NKAIN4: variants seen among roughly 807,000 people sequenced by gnomAD.
The protein encoded by NKAIN4 is sodium/potassium transporting ATPase interacting 4, also known as sodium/potassium-transporting ATPase subunit beta-1-interacting protein 4.
A neutral mutation model predicts 28.8 loss-of-function variants in NKAIN4; 28 were observed. The ratio of observed to expected loss-of-function variants is 0.97; its 90% CI spans 0.72 to 1.33. The LOEUF (loss-of-function observed/expected upper bound fraction) is 1.33. Among genes scored for constraint, NKAIN4 ranks in the 40% most tolerant of loss-of-function variants. NKAIN4 has a pLI of 0.00. For synonymous variants in NKAIN4, 122 were observed against 115.6 expected (o/e 1.06, Z -0.36); for missense variants, 289 against 277.2 (o/e 1.04, Z -0.30).
chr20:63,245,535 G>A lies in NKAIN4; in HGVS notation c.472-1451C>T, dbSNP rs2066840695. Reference sequence around the variant, plus strand: ...CCTCCTGCCCATCCTCCTGGCTCCAGCCCCAGGTCCACCCCAAAGCTCTCC... The same window carrying A: ...CCTCCTGCCCATCCTCCTGGCTCCAACCCCAGGTCCACCCCAAAGCTCTCC... On this transcript the variant is annotated intron_variant, in intron 4 of 6. Transcript: ENST00000370316. The surrounding 1 kb of genome is among the most constrained non-coding windows in gnomAD (Gnocchi z 4.7). 6.6e-6 allele frequency among the ~76,000 whole-genome samples: 1 copy of A among 151,926 alleles called. No homozygotes were observed. The highest frequency in any genetic ancestry group is 2.1e-4 in the South Asian group (1 of 4,806).
chr20:63,241,149 C>T lies in NKAIN4; in HGVS notation c.*348G>A, dbSNP rs1464443640. ...AGGGTCCAGCAGCCCCAGGTGGGCA[C>T]CTGAGGGAGGGGCTCCTCGACGAGA... On this transcript the variant is annotated 3_prime_UTR_variant, in exon 7 of 7. Transcript: ENST00000370316. 2 of 317,198 alleles carry T rather than the reference C, an allele frequency of 6.3e-6. No individual in the cohort carries two copies. The highest frequency in any genetic ancestry group is 8.7e-5 in the East Asian group (1 of 11,480). 19.6% of individuals were successfully genotyped at this position (317,198 alleles called of 1,614,324 possible).
chr20:63,247,220 G>C, intron 4 of NKAIN4: 1 of 1,196,276 alleles, frequency 8.4e-7, no homozygotes, highest in South Asian at 1.8e-5. Context: ...ACGCATGGAT[G>C]GGTTTGTCAG....
chr20:63,246,039 T>C (rs548464710), intron 4 of NKAIN4, among the ~76,000 whole-genome samples: 43 of 152,158 alleles, frequency 2.8e-4, no homozygotes, highest in Non-Finnish European at 5.0e-4. Context: ...GCCATTCTCC[T>C]GCTTCAGCCT....
intron 2 of NKAIN4, chr20:63,249,164 A>G (rs1425088635): frequency 8.5e-6 from 4 of 470,272 alleles, no homozygotes; most frequent in South Asian, 2.1e-5. Context: ...CGGCGTACGG[A>G]CACAGCATCC....
At chr20:63,254,359 G>C (rs921359503) in intron 1 of NKAIN4, 38 bp downstream of exon 1, 3 of 1,406,598 alleles carry the variant, frequency 2.1e-6, no homozygotes, top group African/African-American at 1.5e-5. Flanking sequence ...GTCGGGCACC[G>C]GGGGCTCCAG....
At chr20:63,246,969 G>C in intron 4 of NKAIN4, 1 of 992,910 alleles carries the variant, frequency 1.0e-6, no homozygotes, top group South Asian at 4.5e-5. Flanking sequence ...CTACCAACCC[G>C]TGCAGGGCCG....
intron 1 of NKAIN4, chr20:63,253,193 C>T: frequency 1.0e-6 from 1 of 985,228 alleles, no homozygotes; most frequent in Non-Finnish European, 1.2e-6. Context: ...TCCTAAGGGA[C>T]TCCTGCCATT....
At chr20:63,247,349 G>T in intron 4 of NKAIN4, 1 of 1,499,298 alleles carries the variant, frequency 6.7e-7, no homozygotes, top group African/African-American at 1.4e-5. Flanking sequence ...AAAGCGCCTG[G>T]GTTGGCCCCG....
At chr20:63,244,683 G>A (rs543446905) in intron 4 of NKAIN4, 11 of 389,406 alleles carry the variant, frequency 2.8e-5, no homozygotes, top group African/African-American at 2.3e-4. Context: ...TGGGAGTCCA[G>A]GGCAGAGGGC....
intron 1 of NKAIN4, chr20:63,254,171 C>A: frequency 2.3e-6 from 1 of 433,380 alleles, no homozygotes; most frequent in South Asian, 4.0e-5. Flanking sequence ...CGCGGCCGCC[C>A]CCCGCGCACG....
chr20:63,243,896 G>C (rs1167877371), intron 5 of NKAIN4, 128 bp downstream of exon 5: 4 of 729,190 alleles, frequency 5.5e-6, no homozygotes, highest in Non-Finnish European at 9.4e-6. Context: ...CCGTGAGCAA[G>C]GCCCTGCTGG....
intron 5 of NKAIN4, among the ~76,000 whole-genome samples, chr20:63,243,453 C>G (rs1317239468): frequency 2.0e-5 from 3 of 152,126 alleles, no homozygotes; most frequent in Non-Finnish European, 4.4e-5. Context: ...CCCTGCTTGG[C>G]GTCTGCCCTT....
At chr20:63,253,466 G>A in intron 1 of NKAIN4, 1 of 985,606 alleles carries the variant, frequency 1.0e-6, no homozygotes, top group African/African-American at 1.7e-5. Context: ...TCAAAACTCT[G>A]AAACAGCCCC....
chr20:63,248,931 C>A, intron 2 of NKAIN4, 36 bp from the exon 3 acceptor site: 1 of 1,445,784 alleles, frequency 6.9e-7, no homozygotes, highest in Non-Finnish European at 9.7e-7. Context: ...CAGCTGAACA[C>A]AGCTCCCGGG....
intron 6 of NKAIN4, 43 bp from the exon 7 acceptor site, chr20:63,241,549 G>C (rs754021685): frequency 1.4e-5 from 22 of 1,542,146 alleles, no homozygotes; most frequent in South Asian, 6.0e-5. Context: ...AACAGGGCTG[G>C]GGCAGCCACT....
In NKAIN4 at chr20:63,245,736, G is replaced by A. The variant is rs974324491; in HGVS notation, c.472-1652C>T. Among the ~76,000 whole-genome samples, 6 of 152,074 alleles carry A rather than the reference G, an allele frequency of 3.9e-5. No individual in the cohort carries two copies. The highest frequency in any genetic ancestry group is 6.5e-5 in the Admixed American group (1 of 15,274). ...CCTCCAAAGCAAACAGCAGGGGCGA[G>A]ATCCTAGCGAGGACTAGCTGGCTGG... On this transcript the variant is annotated intron_variant, in intron 4 of 6. Coordinates refer to ENST00000370316, the MANE Select transcript of NKAIN4 (RefSeq NM_152864.4). This position sits in a 1 kb window ranked among gnomAD's most constrained non-coding sequence, Gnocchi z 4.7.
intron 1 of NKAIN4, among the ~76,000 whole-genome samples, chr20:63,250,483 C>T (rs1601295604): frequency 6.6e-6 from 1 of 152,128 alleles, no homozygotes; most frequent in Non-Finnish European, 1.5e-5. Flanking sequence ...GCCCAGAAAA[C>T]GCCACTCGGG....
At position 63,245,013 on chromosome 20, in the gene NKAIN4, C is replaced by T. The variant is rs1212990284; in HGVS notation, c.472-929G>A. Among the ~76,000 whole-genome samples the T allele has an allele frequency of 6.6e-6, 1 of 152,300 alleles. No individual in the cohort carries two copies. Among genetic ancestry groups the T allele is most frequent in the East Asian group, 1.9e-4 (1 of 5,168 alleles). On this transcript the variant is annotated intron_variant, in intron 4 of 6. Transcript: ENST00000370316. This position sits in a 1 kb window ranked among gnomAD's most constrained non-coding sequence, Gnocchi z 4.7. Reference sequence around the variant, plus strand: ...CCTCCATAGACTTGGCCCAACAGCCCCCCGTGAAGGCCACCGTGCCCAGGA... The same window carrying T: ...CCTCCATAGACTTGGCCCAACAGCCTCCCGTGAAGGCCACCGTGCCCAGGA...
At chr20:63,246,686 C>T (rs890552514) in intron 4 of NKAIN4, 22 of 981,970 alleles carry the variant, frequency 2.2e-5, no homozygotes, top group Admixed American at 6.2e-5. Flanking sequence ...GCCTCGAGAT[C>T]GGTCAGAAGT....
Sources: allele counts gnomAD v4.1 joint callset (sites outside exome capture counted in the v4.1 genomes callset), GRCh38; gene constraint gnomAD v4.1.1; non-coding constraint Gnocchi (gnomAD v3.1); transcripts MANE v1.5; gene names NCBI Gene and HGNC (gene_info 2026-07-23, HGNC 2026-07-21).